HDAC3: variants seen among roughly 807,000 people sequenced by gnomAD.
HDAC3 encodes SMAP45.
HDAC3 carries 21 observed loss-of-function variants against 62.3 expected under a neutral mutation model. The ratio of observed to expected loss-of-function variants is 0.34; its 90% confidence interval spans 0.24 to 0.49. The LOEUF is 0.49. HDAC3 is among the 20% of genes least tolerant of loss of function. The probability of loss-of-function intolerance (pLI) is 0.99; values close to 1 mark genes in which losing one functional copy is unlikely to be tolerated. For missense variants in HDAC3, 270 were observed against 556.9 expected (o/e 0.48, Z 5.19); for synonymous variants, 198 against 206.5 (o/e 0.96, Z 0.35).
At chr5:141,633,995 G>A (rs888704520) in intron 3 of HDAC3, among the ~76,000 whole-genome samples, 1 of 152,178 alleles carries the variant, frequency 6.6e-6, no homozygotes, top group African/African-American at 2.4e-5. Context: ...TGGTAGCTGT[G>A]ATGGTTACTA....
At chr5:141,633,044 A>G (rs973311110) in intron 3 of HDAC3, among the ~76,000 whole-genome samples, 4 of 152,212 alleles carry the variant, frequency 2.6e-5, no homozygotes, top group African/African-American at 2.4e-5. Context: ...ACTTATATAT[A>G]ACATCAGAAA....
rs577431347 is a variant in HDAC3 at position 141,621,360 on chromosome 5, G to C, written c.*108C>G. The C allele has an allele frequency of 5.1e-5, 49 of 967,478 alleles. No individual in the cohort carries two copies. In the African/African-American group the frequency reaches 7.3e-4, roughly 14 times the overall value. The allele number at this position is 967,478 out of a possible 1,614,324, so 59.9% of individuals were successfully genotyped here. On this transcript the variant is annotated 3_prime_UTR_variant, in exon 15 of 15. Transcript: ENST00000305264. ...GTCTCCAGACTCTTTCCCAGAGTCA[G>C]CAAAAGCCCTGGGGTGACCCCCAGG...
chr5:141,621,635 C>A, intron 14 of HDAC3, 98 bp from the exon 15 acceptor site: 2 of 883,110 alleles, frequency 2.3e-6, no homozygotes, highest in South Asian at 1.4e-5. Flanking sequence ...CGTTGAGAAC[C>A]ACTCCTCCTC....
Position 141,634,844 on chromosome 5 carries a change from T to C in HDAC3, c.248A>G (p.Lys83Arg), listed in dbSNP as rs754168282. ...GCCTACGTTGAAGGCATTAAGACTC[T>C]TGGTGAAGCCTTGCATATTGGTGGG... Reference protein sequence around the residue: ...VSPTNMQGFTKSLNAFNVGDD... With the variant: ...VSPTNMQGFTRSLNAFNVGDD... Residue 83 changes from lysine to arginine, a missense_variant, in exon 3 of 15, where the codon AAG becomes AGG. Coordinates refer to ENST00000305264, the MANE Select transcript of HDAC3 (RefSeq NM_003883.4). 1 of 1,614,168 alleles carries C rather than the reference T, an allele frequency of 6.2e-7. No homozygotes were observed. Among genetic ancestry groups the C allele is most frequent in the Non-Finnish European group, 8.5e-7 (1 of 1,180,012 alleles).
intron 3 of HDAC3, 22 bp from the exon 4 acceptor site, chr5:141,630,147 T>C: frequency 6.2e-7 from 1 of 1,611,140 alleles, no homozygotes; most frequent in Non-Finnish European, 8.5e-7. Flanking sequence ...AGGAACAAGT[T>C]GGAACCCTCC....
chr5:141,636,652 T>C, intron 1 of HDAC3, 22 bp from the exon 2 acceptor site: 1 of 1,612,810 alleles, frequency 6.2e-7, no homozygotes, highest in Middle Eastern at 1.6e-4. Flanking sequence ...GAGAAGAGAG[T>C]TCGTCAGCTC....
chr5:141,636,269 TTC>T, intron 2 of HDAC3: 1 of 493,206 alleles, frequency 2.0e-6, no homozygotes, highest in Non-Finnish European at 3.7e-6. Context: ...GGAACACACC[TTC>T]TGTCTTCAAA....
chr5:141,622,919 G>A (rs541148270), intron 14 of HDAC3, among the ~76,000 whole-genome samples: 3 of 152,062 alleles, frequency 2.0e-5, no homozygotes, highest in Non-Finnish European at 4.4e-5. Flanking sequence ...TCAGGAGTTC[G>A]AGACCAGCCT....
At chr5:141,632,534 C>A (rs2154598007) in intron 3 of HDAC3, among the ~76,000 whole-genome samples, 1 of 152,290 alleles carries the variant, frequency 6.6e-6, no homozygotes, top group Non-Finnish European at 1.5e-5. Context: ...AATTAGCATT[C>A]CCTAATCGCA....
At position 141,625,829 on chromosome 5, in the gene HDAC3, T is replaced by G; in HGVS notation, c.980-65A>C. ...AGGCAGCTAACAAGACTTCCCAATC[T>G]TTTTCCTTCCCATCCAGAGCACCTA... On this transcript the variant is annotated intron_variant, in intron 12 of 14. Coordinates refer to ENST00000305264, the MANE Select transcript of HDAC3 (RefSeq NM_003883.4). This position sits in a 1 kb window ranked among gnomAD's most constrained non-coding sequence, Gnocchi z 4.0. 2.0e-6 allele frequency: 3 copies of G among 1,494,066 alleles called. No individual in the cohort carries two copies. The highest frequency in any genetic ancestry group is 2.8e-6 in the Non-Finnish European group (3 of 1,071,016). The allele number at this position is 1,494,066 out of a possible 1,614,324, so 92.6% of individuals were successfully genotyped here.
chr5:141,634,858 C>G lies in HDAC3; in HGVS notation c.234G>C (p.Met78Ile), dbSNP rs779708991. Residue 78 changes from methionine (M) to isoleucine (I), a missense_variant, in exon 3 of 15, where the codon ATG becomes ATC. By Grantham distance (10) the Met-to-Ile change is conservative. Transcript: ENST00000305264. ...CATTAAGACTCTTGGTGAAGCCTTGCATATTGGTGGGGCTGACTCTCTGCA... is the reference window on the plus strand; with the variant it reads ...CATTAAGACTCTTGGTGAAGCCTTGGATATTGGTGGGGCTGACTCTCTGCA... Reference protein sequence around the residue: ...DFLQRVSPTNMQGFTKSLNAF... With the variant: ...DFLQRVSPTNIQGFTKSLNAF... 6.2e-7 allele frequency: 1 copy of G among 1,614,116 alleles called. No homozygotes were observed. Among genetic ancestry groups the G allele is most frequent in the Admixed American group, 1.7e-5 (1 of 60,020 alleles).
Position 141,622,973 on chromosome 5 carries a change from A to C in HDAC3, c.1218-1436T>G, listed in dbSNP as rs540936063. ...CCATCTCTTCTAAAAATACAAAAAAAATTAGCCAGGCGTGGAGGCTCATGC... is the reference window on the plus strand; with the variant it reads ...CCATCTCTTCTAAAAATACAAAAAACATTAGCCAGGCGTGGAGGCTCATGC... On this transcript the variant is annotated intron_variant, in intron 14 of 14. Transcript: ENST00000305264. 3.9e-5 allele frequency among the ~76,000 whole-genome samples: 6 copies of C among 152,116 alleles called. No homozygotes were observed. In the South Asian group the frequency reaches 1.2e-3, roughly 32 times the overall value.
chr5:141,632,972 C>T (rs1219039489), intron 3 of HDAC3, among the ~76,000 whole-genome samples: 1 of 152,144 alleles, frequency 6.6e-6, no homozygotes, highest in Non-Finnish European at 1.5e-5. Flanking sequence ...GGATCATGCC[C>T]CCTCCAATGA....
chr5:141,621,629 G>A (rs1455078088), intron 14 of HDAC3, 92 bp from the exon 15 acceptor site: 2 of 953,812 alleles, frequency 2.1e-6, no homozygotes, highest in Admixed American at 3.8e-5. Flanking sequence ...AGGCCCCGTT[G>A]AGAACCACTC....
chr5:141,627,973 C>T lies in HDAC3; in HGVS notation c.766-16G>A. Reference sequence around the variant, plus strand: ...CAGCTCCACACTGCAAAAAGCAAAACCCCAGGAAAGTGCAGTGATCAGAAC... The same window carrying T: ...CAGCTCCACACTGCAAAAAGCAAAATCCCAGGAAAGTGCAGTGATCAGAAC... On this transcript the variant is annotated splice_polypyrimidine_tract_variant and intron_variant, in intron 9 of 14. Coordinates refer to ENST00000305264, the MANE Select transcript of HDAC3 (RefSeq NM_003883.4). 1 of 1,614,068 alleles carries T rather than the reference C, an allele frequency of 6.2e-7. No individual in the cohort carries two copies.
rs757087015 is a variant in HDAC3, at chr5:141,636,640, G to A, written c.56-10C>T. 31 of 1,613,898 alleles carry A rather than the reference G, an allele frequency of 1.9e-5. 2 individuals carry two copies. In the East Asian group the frequency reaches 6.0e-4, roughly 31 times the overall value. On this transcript the variant is annotated splice_polypyrimidine_tract_variant and intron_variant, in intron 1 of 14. Coordinates refer to ENST00000305264, the MANE Select transcript of HDAC3 (RefSeq NM_003883.4). ...ATAGGGTGTCCAGCTCCTGGGGGTG[G>A]GGAGAAGAGAGTTCGTCAGCTCTCA...
chr5:141,625,485 G>A lies in HDAC3; in HGVS notation c.1060-120C>T. The A allele has an allele frequency of 8.1e-7, 1 of 1,241,502 alleles. No individual in the cohort carries two copies. The highest frequency in any genetic ancestry group is 1.2e-6 in the Non-Finnish European group (1 of 856,428). The allele number at this position is 1,241,502 out of a possible 1,614,324, so 76.9% of individuals were successfully genotyped here. ...TCATCTCAGTGGTACCTCTAGTTCAGGTCCCCCAACTGATAGCTCTCCCTC... is the reference window on the plus strand; with the variant it reads ...TCATCTCAGTGGTACCTCTAGTTCAAGTCCCCCAACTGATAGCTCTCCCTC... On this transcript the variant is annotated intron_variant, in intron 13 of 14. Transcript: ENST00000305264. The surrounding 1 kb of genome is among the most constrained non-coding windows in gnomAD (Gnocchi z 4.0).
rs369885976 is a variant in HDAC3 at position 141,625,672 on chromosome 5, C to G, written c.1059+13G>C. 1 of 1,613,510 alleles carries G rather than the reference C, an allele frequency of 6.2e-7. No individual in the cohort carries two copies. The highest frequency in any genetic ancestry group is 8.5e-7 in the Non-Finnish European group (1 of 1,179,550). ...CAGGAGAAGTTTGTGCTCAGCTTTT[C>G]TGAGCTGCTGACCTGGCGTGAGTTC... On this transcript the variant is annotated intron_variant, in intron 13 of 14. Transcript: ENST00000305264. This position sits in a 1 kb window ranked among gnomAD's most constrained non-coding sequence, Gnocchi z 4.0.
intron 14 of HDAC3, 81 bp from the exon 15 acceptor site, chr5:141,621,618 C>T (rs1320198600): frequency 8.5e-7 from 1 of 1,173,208 alleles, no homozygotes; most frequent in East Asian, 2.3e-5. Context: ...AGCCATTTCT[C>T]AGGCCCCGTT....
Sources: gnomAD v4.1 joint callset for allele counts (sites outside exome capture counted in the v4.1 genomes callset) on GRCh38, gnomAD v4.1.1 for gene constraint, Gnocchi (gnomAD v3.1) non-coding constraint, MANE v1.5 for transcripts, NCBI Gene and HGNC (gene_info 2026-07-23, HGNC 2026-07-21) for gene names.